SLC10A6: variants seen among roughly 807,000 people sequenced by gnomAD.
The protein encoded by SLC10A6 is solute carrier family 10 member 6, also known as sodium-dependent organic anion transporter.
A neutral mutation model predicts 30.0 loss-of-function variants in SLC10A6; 27 were observed. That is an observed-to-expected ratio of 0.90 (90% CI 0.66 to 1.24). The LOEUF (loss-of-function observed/expected upper bound fraction) is 1.24, where lower values mean the gene tolerates loss of function less well. Ranked by LOEUF, SLC10A6 falls within the 50% of genes most tolerant of loss-of-function variation. The pLI is 0.00. For synonymous variants in SLC10A6, 166 were observed against 173.8 expected, an observed-to-expected ratio of 0.95 and a Z score of 0.36; for missense variants, 439 against 457.0, an observed-to-expected ratio of 0.96 and a Z score of 0.36.
chr4:86,842,865 T>TCTTC (rs1746327034), intron 1 of SLC10A6, among the ~76,000 whole-genome samples: 1 of 59,582 alleles, frequency 1.7e-5, no homozygotes, highest in Non-Finnish European at 3.0e-5. Flanking sequence ...TTTCTTTCTT[T>TCTTC]CTTTCTTTCT....
chr4:86,844,751 A>G (rs1746365590), intron 1 of SLC10A6, among the ~76,000 whole-genome samples: 1 of 152,174 alleles, frequency 6.6e-6, no homozygotes, highest in Non-Finnish European at 1.5e-5. Context: ...AGCCTGCGTA[A>G]TTTATAAAGG....
chr4:86,828,598 T>G (rs115483000), intron 3 of SLC10A6, among the ~76,000 whole-genome samples: 3 of 151,718 alleles, frequency 2.0e-5, no homozygotes, highest in Non-Finnish European at 4.4e-5. Flanking sequence ...CTGCCTCCCC[T>G]CCCACCGCCC....
intron 1 of SLC10A6, among the ~76,000 whole-genome samples, chr4:86,841,465 C>T (rs984505708): frequency 2.6e-5 from 4 of 152,156 alleles, no homozygotes; most frequent in Non-Finnish European, 4.4e-5. Context: ...GAGGATGTGG[C>T]TAAGTAAGTC....
chr4:86,834,050 A>G (rs1349790439), intron 1 of SLC10A6, among the ~76,000 whole-genome samples: 1 of 152,116 alleles, frequency 6.6e-6, no homozygotes, highest in Non-Finnish European at 1.5e-5. Context: ...TGTCCTCTCC[A>G]ACTCTCATGT....
chr4:86,828,597 C>T (rs1209683132), intron 3 of SLC10A6, among the ~76,000 whole-genome samples: 1 of 151,954 alleles, frequency 6.6e-6, no homozygotes, highest in Admixed American at 6.6e-5. Flanking sequence ...TCTGCCTCCC[C>T]TCCCACCGCC....
rs756855615 is a variant in SLC10A6, at chr4:86,849,157, A to C, written c.-42T>G. 32 of 1,568,472 alleles carry C rather than the reference A, an allele frequency of 2.0e-5. No individual in the cohort carries two copies. In the East Asian group the frequency reaches 7.0e-4, roughly 34 times the overall value. On this transcript the variant is annotated 5_prime_UTR_variant, in exon 1 of 6. Coordinates refer to ENST00000273905, the MANE Select transcript of SLC10A6 (RefSeq NM_197965.3). ...GGCAGCATTACAAATGAACATCGGC[A>C]ACAATGGCTGGGCAGGTCTATCCTG...
intron 4 of SLC10A6, among the ~76,000 whole-genome samples, chr4:86,826,443 G>A (rs1324785116): frequency 6.6e-6 from 1 of 151,932 alleles, no homozygotes; most frequent in African/African-American, 2.4e-5. Context: ...GCCTGGCGTG[G>A]TGGCACACGC....
At chr4:86,837,276 AAAGAAAGAAAAAGAAAGGAAGG>A (rs1560460324) in intron 1 of SLC10A6, among the ~76,000 whole-genome samples, 32 of 103,712 alleles carry the variant, frequency 3.1e-4, no homozygotes, top group African/African-American at 1.1e-3. Context: ...AGAAAGAAAG[AAAGAAAGAAAAAGAAAGGAAGG>A]AAGGAAGGAA....
chr4:86,837,294 G>GAAAGAAAGAAAAAGA (rs1560460401), intron 1 of SLC10A6, among the ~76,000 whole-genome samples: 4 of 68,774 alleles, frequency 5.8e-5, no homozygotes, highest in South Asian at 4.5e-4. Context: ...AAAAAGAAAG[G>GAAAGAAAGAAAAAGA]AAGGAAGGAA....
intron 1 of SLC10A6, among the ~76,000 whole-genome samples, chr4:86,842,878 T>TTTCTTTCTTTCTTTCTTTC (rs1560461956): frequency 1.5e-4 from 13 of 84,728 alleles, no homozygotes; most frequent in Middle Eastern, 6.5e-3. Context: ...TTCTTTCTTT[T>TTTCTTTCTTTCTTTCTTTC]TTTTTTTGAG....
chr4:86,827,829 C>T (rs1021800136), intron 4 of SLC10A6, among the ~76,000 whole-genome samples, 164 bp downstream of exon 4: 1 of 151,952 alleles, frequency 6.6e-6, no homozygotes, highest in Admixed American at 6.6e-5. Context: ...ACAATATTTT[C>T]CATGAATTGC....
At position 86,849,121 on chromosome 4, in the gene SLC10A6, CATCTCCTT is replaced by C; in HGVS notation, c.-14_-7del. 1 of 1,609,796 alleles carries C rather than the reference CATCTCCTT, an allele frequency of 6.2e-7. No homozygotes were observed. The highest frequency in any genetic ancestry group is 8.5e-7 in the Non-Finnish European group (1 of 1,178,010). On this transcript the variant is annotated 5_prime_UTR_variant, in exon 1 of 6. The change abolishes an upstream ATG in the 5' untranslated region. Transcript: ENST00000273905. ...CTGGAACAATTGGCTCTCATCTCCT[CATCTCCTT>C]AAGGCAGCATTACAAATGAACATCG...
At chr4:86,828,910 T>C (rs534460727) in intron 3 of SLC10A6, among the ~76,000 whole-genome samples, 2 of 152,290 alleles carry the variant, frequency 1.3e-5, no homozygotes, top group African/African-American at 4.8e-5. Context: ...GTTCATATCA[T>C]GTAGACAGTA....
chr4:86,845,316 T>C (rs981737965), intron 1 of SLC10A6, among the ~76,000 whole-genome samples: 5 of 152,142 alleles, frequency 3.3e-5, no homozygotes, highest in Non-Finnish European at 7.4e-5. Flanking sequence ...GAGTGTGAGA[T>C]ATGCTCAGAG....
At chr4:86,827,964 A>C (rs777546529) in intron 4 of SLC10A6, 29 bp downstream of exon 4, 1 of 1,597,866 alleles carries the variant, frequency 6.3e-7, no homozygotes, top group Admixed American at 1.7e-5. Flanking sequence ...TACCTTCCTC[A>C]AAAAAGTTTA....
At position 86,828,087 on chromosome 4, in the gene SLC10A6, C is replaced by A; in HGVS notation, c.667G>T (p.Asp223Tyr). ...AAACTGATGGTCAGAAGGGTGATGT[C>A]TGAATTCCAAGATCCTTTCGCCAGG... is the stretch of plus-strand genomic sequence containing the variant. ...VVLAKGSWNS[D>Y]ITLLTISFIF... The change falls in exon 4 of 6, where the codon GAC becomes TAC. Residue 223 changes from aspartate (D) to tyrosine (Y), a missense_variant. Coordinates refer to ENST00000273905, the MANE Select transcript of SLC10A6 (RefSeq NM_197965.3). 1.2e-6 allele frequency: 2 copies of A among 1,613,932 alleles called. No homozygotes were observed. Among genetic ancestry groups the A allele is most frequent in the Non-Finnish European group, 1.7e-6 (2 of 1,179,918 alleles).
At chr4:86,840,154 G>A (rs1173450586) in intron 1 of SLC10A6, among the ~76,000 whole-genome samples, 1 of 151,708 alleles carries the variant, frequency 6.6e-6, no homozygotes. Context: ...CCGGACCTCA[G>A]GTGATCCACC....
At position 86,837,356 on chromosome 4, in the gene SLC10A6, A is replaced by AGGCT. The variant is rs1227718066; in HGVS notation, c.378-3936_378-3933dup. Among the ~76,000 whole-genome samples, 504 of 149,928 alleles carry AGGCT rather than the reference A, an allele frequency of 3.4e-3. 17 individuals carry two copies. The highest frequency in any genetic ancestry group is 5.6e-3 in the Non-Finnish European group (379 of 67,332). ...AAGGAAGGAAGGAAGGCAGGCAGGC[A>AGGCT]GGCTGGGATTTGAGAAGCAAGTAAG... is the stretch of plus-strand genomic sequence containing the variant. On this transcript the variant is annotated intron_variant, in intron 1 of 5. Coordinates refer to ENST00000273905, the MANE Select transcript of SLC10A6 (RefSeq NM_197965.3).
intron 2 of SLC10A6, 104 bp from the exon 3 acceptor site, chr4:86,831,984 T>C: frequency 1.1e-6 from 1 of 901,346 alleles, no homozygotes; most frequent in Non-Finnish European, 1.8e-6. Context: ...TAAACTGACA[T>C]TTTCCCATGC....
Sources: gnomAD v4.1 joint callset for allele counts (sites outside exome capture counted in the v4.1 genomes callset) on GRCh38, gnomAD v4.1.1 for gene constraint, MANE v1.5 for transcripts, NCBI Gene and HGNC (gene_info 2026-07-23, HGNC 2026-07-21) for gene names.